The following CCDC88C variants were observed in gnomAD, a reference collection of about 807,000 sequenced individuals.
CCDC88C encodes protein Daple.
Under a neutral mutation model 198.8 loss-of-function variants are expected in CCDC88C, and 131 were observed. The observed-to-expected ratio is 0.66, with a 90% CI of 0.57 to 0.76. The LOEUF (loss-of-function observed/expected upper bound fraction) is 0.76, where lower values mean the gene tolerates loss of function less well. Among genes scored for constraint, CCDC88C ranks in the 30% least tolerant of loss-of-function variants. The probability of loss-of-function intolerance (pLI) is 0.00; values close to 1 mark genes in which losing one functional copy is unlikely to be tolerated. For synonymous variants in CCDC88C, 1,166 were observed against 1,114.7 expected (o/e 1.05, Z -0.92); for missense variants, 2,553 against 2,631.6 (o/e 0.97, Z 0.65).
rs183505037 is a variant in CCDC88C, at chr14:91,390,555, G to C, written c.270+18104C>G. Among the ~76,000 whole-genome samples, 39 of 152,306 alleles carry C rather than the reference G, an allele frequency of 2.6e-4. 1 individual carries two copies. In the East Asian group the frequency reaches 6.9e-3, roughly 27 times the overall value. On this transcript the variant is annotated intron_variant, in intron 3 of 29. Coordinates refer to ENST00000389857, the MANE Select transcript of CCDC88C (RefSeq NM_001080414.4). ...AGGGCCCTCACCCCTCCAGCCTCTG[G>C]GTTTTCTAACTAACTGTTCCAAGTC...
chr14:91,352,045 C>T lies in CCDC88C; in HGVS notation c.340+7597G>A, dbSNP rs1370185562. Among the ~76,000 whole-genome samples the T allele has an allele frequency of 6.6e-6, 1 of 152,206 alleles. No homozygotes were observed. Among genetic ancestry groups the T allele is most frequent in the African/African-American group, 2.4e-5 (1 of 41,460 alleles). ...GACTCAAGTTTGCCCTGGGAAGGGGCGAGGAGCTAGGGCAGGCAGGGGACG... is the reference window on the plus strand; with the variant it reads ...GACTCAAGTTTGCCCTGGGAAGGGGTGAGGAGCTAGGGCAGGCAGGGGACG... On this transcript the variant is annotated intron_variant, in intron 4 of 29. Transcript: ENST00000389857. This position sits in a 1 kb window ranked among gnomAD's most constrained non-coding sequence, Gnocchi z 4.2.
chr14:91,313,458 C>T lies in CCDC88C; in HGVS notation c.2358G>A (p.Glu786=), dbSNP rs776869158. The change falls in exon 15 of 30, where the codon GAG becomes GAA. Residue 786 remains glutamate, a synonymous_variant. Transcript: ENST00000389857. The surrounding 1 kb of genome is among the most constrained non-coding windows in gnomAD (Gnocchi z 5.2). The stretch of plus-strand genomic sequence containing the variant: ...CAGCCTCCAGCTCGCCCAGCTCACT[C>T]TCCAAGGTCTGCGTCTTGTGGCTGC... ...ESSSHKTQTL[E]SELGELEAER... The T allele has an allele frequency of 2.5e-6, 4 of 1,607,798 alleles. No homozygotes were observed. In the South Asian group the frequency reaches 4.4e-5, roughly 18 times the overall value.
At position 91,339,794 on chromosome 14, in the gene CCDC88C, C is replaced by T. The variant is rs1159748437; in HGVS notation, c.624+90G>A. The T allele has an allele frequency of 2.9e-6, 4 of 1,402,014 alleles. No individual in the cohort carries two copies. Among genetic ancestry groups the T allele is most frequent in the Middle Eastern group, 2.6e-4 (1 of 3,858 alleles). The allele number at this position is 1,402,014 out of a possible 1,614,324, so 86.8% of individuals were successfully genotyped here. A position where few individuals can be genotyped will look rare whatever the true frequency, so the allele number is the denominator to read the frequency against. On this transcript the variant is annotated intron_variant, in intron 7 of 29. Transcript: ENST00000389857. This position sits in a 1 kb window ranked among gnomAD's most constrained non-coding sequence, Gnocchi z 5.8. ...CCCACCAGAACCTCAGCAGCAGGAC[C>T]GAGGCGTCTAGGCTGAAGATGAAGG...
chr14:91,293,305 G>A (rs183044634), intron 23 of CCDC88C, among the ~76,000 whole-genome samples: 142 of 5,146 alleles, frequency 0.028, no homozygotes, highest in South Asian at 0.037. Flanking sequence ...CACCTGCCAC[G>A]GCCCACCTTC....
In CCDC88C at chr14:91,309,911, CCTT is replaced by C. The variant is rs761321173; in HGVS notation, c.2809_2811del (p.Lys937del). The stretch of plus-strand genomic sequence containing the variant: ...AACAGCAGCTCCCTGTTGAGGCCGA[CCTT>C]CTCCAGTTCCTGGCTCAGCTTGTCC... On this transcript the variant is annotated inframe_deletion, in exon 16 of 30. Coordinates refer to ENST00000389857, the MANE Select transcript of CCDC88C (RefSeq NM_001080414.4). The C allele has an allele frequency of 6.2e-7, 1 of 1,610,858 alleles. No individual in the cohort carries two copies. Among genetic ancestry groups the C allele is most frequent in the Admixed American group, 1.7e-5 (1 of 59,632 alleles).
chr14:91,367,257 T>C (rs940193817), intron 3 of CCDC88C, among the ~76,000 whole-genome samples: 24 of 152,312 alleles, frequency 1.6e-4, no homozygotes, highest in African/African-American at 5.8e-4. Context: ...AAAGTTAAGA[T>C]GAACGCCCAG....
At position 91,313,142 on chromosome 14, in the gene CCDC88C, C is replaced by T; in HGVS notation, c.2674G>A (p.Asp892Asn). 6.2e-7 allele frequency: 1 copy of T among 1,609,982 alleles called. No homozygotes were observed. The highest frequency in any genetic ancestry group is 8.5e-7 in the Non-Finnish European group (1 of 1,177,168). Residue 892 changes from aspartate to asparagine, a missense_variant, in exon 15 of 30, where the codon GAC becomes AAC. Physicochemically the swap from Asp to Asn is conservative, Grantham distance 23 (BLOSUM62 1). Around this residue, in one of 2 missense-constraint regions of CCDC88C, gnomAD observed 1,260 missense variants for 1,412.0 expected, o/e 0.89. Coordinates refer to ENST00000389857, the MANE Select transcript of CCDC88C (RefSeq NM_001080414.4). The surrounding 1 kb of genome is among the most constrained non-coding windows in gnomAD (Gnocchi z 5.2). ...ACTTGCTTGGTGAGGTCCCGGTTGT[C>T]CTTCTCCAGCTCCTTCAGCTTGCCG... ...AAGKLKELEKDNRDLTKQVTV... is the reference protein window; with the variant it reads ...AAGKLKELEKNNRDLTKQVTV...
At chr14:91,290,203 C>T (rs535691906) in intron 24 of CCDC88C, among the ~76,000 whole-genome samples, 144 of 152,348 alleles carry the variant, frequency 9.5e-4, no homozygotes, top group Middle Eastern at 3.4e-3. Flanking sequence ...ACCTGGGAAG[C>T]GGAGGTTGCA....
chr14:91,366,881 A>G (rs1567101724), intron 3 of CCDC88C, among the ~76,000 whole-genome samples: 1 of 152,164 alleles, frequency 6.6e-6, no homozygotes, highest in Non-Finnish European at 1.5e-5. Context: ...AGACTTAACA[A>G]CCTGCCAGGG....
At chr14:91,399,855 A>AGG (rs2139998484) in intron 3 of CCDC88C, among the ~76,000 whole-genome samples, 1 of 84,824 alleles carries the variant, frequency 1.2e-5, no homozygotes, top group East Asian at 4.8e-4. Flanking sequence ...AAAAAAAAAA[A>AGG]AGAAGAAGAA....
intron 20 of CCDC88C, 26 bp from the exon 21 acceptor site, chr14:91,300,096 A>G: frequency 1.2e-6 from 2 of 1,601,310 alleles, no homozygotes; most frequent in Non-Finnish European, 1.7e-6. Flanking sequence ...ACCTGCCGTG[A>G]GTCTGGCCAG....
intron 3 of CCDC88C, among the ~76,000 whole-genome samples, chr14:91,360,499 C>G (rs59581174): frequency 0.039 from 5,968 of 152,252 alleles, 409 homozygotes; most frequent in African/African-American, 0.14. Context: ...GCTACTGAGC[C>G]TTTCTAATCT....
intron 3 of CCDC88C, among the ~76,000 whole-genome samples, chr14:91,392,842 G>A (rs1179576442): frequency 6.6e-6 from 1 of 151,714 alleles, no homozygotes; most frequent in Non-Finnish European, 1.5e-5. Flanking sequence ...AGAGGCTGCC[G>A]GAGTCCCCGC....
intron 3 of CCDC88C, among the ~76,000 whole-genome samples, chr14:91,402,220 G>A (rs926770743): frequency 1.3e-5 from 2 of 152,134 alleles, no homozygotes; most frequent in African/African-American, 4.8e-5. Context: ...AGACTGCAGT[G>A]AGCTATGATC....
chr14:91,398,890 G>A (rs72701455), intron 3 of CCDC88C, among the ~76,000 whole-genome samples: 29,236 of 152,066 alleles, frequency 0.19, 3,583 homozygotes, highest in East Asian at 0.36. Context: ...GGCTTTCCTC[G>A]GCCCAGACGG....
intron 12 of CCDC88C, 87 bp from the exon 13 acceptor site, chr14:91,321,391 C>T (rs924090607): frequency 1.1e-5 from 16 of 1,410,496 alleles, no homozygotes; most frequent in East Asian, 2.5e-5. Flanking sequence ...TCATCAGTCC[C>T]GGAGTCCAGG....
Position 91,338,248 on chromosome 14 carries a change from C to A in CCDC88C, c.892-85G>T. On this transcript the variant is annotated intron_variant, in intron 9 of 29. Coordinates refer to ENST00000389857, the MANE Select transcript of CCDC88C (RefSeq NM_001080414.4). The surrounding 1 kb of genome is among the most constrained non-coding windows in gnomAD (Gnocchi z 4.8). ...AGGCCATTGCCCTTCTGCATGGTGT[C>A]TCCACGACGGCCCAGGACAAGCCAG... 6.6e-7 allele frequency: 1 copy of A among 1,517,358 alleles called. No homozygotes were observed. Among genetic ancestry groups the A allele is most frequent in the South Asian group, 1.2e-5 (1 of 81,272 alleles). 94.0% of individuals were successfully genotyped at this position (1,517,358 alleles called of 1,614,324 possible).
chr14:91,313,932 C>T lies in CCDC88C; in HGVS notation c.1884G>A (p.Glu628=), dbSNP rs761074410. 14 of 1,613,058 alleles carry T rather than the reference C, an allele frequency of 8.7e-6. No individual in the cohort carries two copies. Among genetic ancestry groups the T allele is most frequent in the Non-Finnish European group, 1.1e-5 (13 of 1,179,848 alleles). The change falls in exon 15 of 30, where the codon GAG becomes GAA. Residue 628 remains glutamate, a synonymous_variant. Coordinates refer to ENST00000389857, the MANE Select transcript of CCDC88C (RefSeq NM_001080414.4). The surrounding 1 kb of genome is among the most constrained non-coding windows in gnomAD (Gnocchi z 5.2). ...GCTCCCTCTCCAGCTTCTCTGCCCG[C>T]TCCCCCTTCTCCTTGGCCTGCTCCA... ...RDLEQAKEKG[E]RAEKLERELQ...
intron 1 of CCDC88C, chr14:91,417,268 G>A (rs759571889): frequency 1.7e-5 from 12 of 693,074 alleles, no homozygotes; most frequent in Non-Finnish European, 2.9e-5. Context: ...ATTTGGTTGG[G>A]AAGAATGGGG....
Sources: gnomAD v4.1 joint callset for allele counts (sites outside exome capture counted in the v4.1 genomes callset) on GRCh38, gnomAD v4.1.1 for gene constraint, gnomAD v4.1.1 regional missense constraint, Gnocchi (gnomAD v3.1) non-coding constraint, MANE v1.5 for transcripts, NCBI Gene and HGNC (gene_info 2026-07-23, HGNC 2026-07-21) for gene names.